ZDHHC13: variants seen among roughly 807,000 people sequenced by gnomAD.
ZDHHC13 encodes palmitoyltransferase ZDHHC13.
A neutral mutation model predicts 86.0 loss-of-function variants in ZDHHC13; 85 were observed. The ratio of observed to expected loss-of-function variants is 0.99; its 90% CI spans 0.83 to 1.18. ZDHHC13 has a LOEUF of 1.18. Ranked by LOEUF, ZDHHC13 falls within the 50% of genes most tolerant of loss-of-function variation. The probability of loss-of-function intolerance (pLI) is 0.00; values close to 1 mark genes in which losing one functional copy is unlikely to be tolerated. For synonymous variants in ZDHHC13, 263 were observed against 246.4 expected, an observed-to-expected ratio of 1.07 and a Z score of -0.63; for missense variants, 711 against 730.2, an observed-to-expected ratio of 0.97 and a Z score of 0.30.
chr11:19,134,365 C>G, intron 1 of ZDHHC13, among the ~76,000 whole-genome samples: 1 of 151,964 alleles, frequency 6.6e-6, no homozygotes, highest in East Asian at 1.9e-4. Flanking sequence ...GCTGGGTATA[C>G]CAAAGGATTA....
rs1725327748 is a variant in ZDHHC13, at chr11:19,176,271, A to G, written c.*311A>G. The G allele has an allele frequency of 5.2e-6, 1 of 193,108 alleles. No homozygotes were observed. The highest frequency in any genetic ancestry group is 1.0e-5 in the Non-Finnish European group (1 of 96,060). The allele number at this position is 193,108 out of a possible 1,614,324, so 12.0% of individuals were successfully genotyped here. On this transcript the variant is annotated 3_prime_UTR_variant, in exon 17 of 17. Transcript: ENST00000446113. ...AAAATGGAATATTTTCAGATACTAT[A>G]TTGGCTGTTTCAAAATAGTACTATT...
At chr11:19,153,203 T>A (rs1469604471) in intron 8 of ZDHHC13, among the ~76,000 whole-genome samples, 1 of 152,206 alleles carries the variant, frequency 6.6e-6, no homozygotes, top group Non-Finnish European at 1.5e-5. Flanking sequence ...AATCCAAATT[T>A]TATTCATTTT....
At chr11:19,162,110 T>C (rs569544333) in intron 10 of ZDHHC13, among the ~76,000 whole-genome samples, 38 of 152,320 alleles carry the variant, frequency 2.5e-4, no homozygotes, top group African/African-American at 8.9e-4. Context: ...TTCAAGTGTT[T>C]GGAAGTCTAT....
chr11:19,147,559 T>G, intron 3 of ZDHHC13, 37 bp from the exon 4 acceptor site: 1 of 1,534,198 alleles, frequency 6.5e-7, no homozygotes, highest in African/African-American at 1.4e-5. Context: ...AAGCTTAAGT[T>G]TCAAATCTTA....
intron 14 of ZDHHC13, chr11:19,168,759 C>G: frequency 2.1e-6 from 2 of 974,602 alleles, no homozygotes; most frequent in Non-Finnish European, 2.4e-6. Context: ...GCTCTATACT[C>G]TCCTTCTCAT....
At chr11:19,164,415 C>A in intron 12 of ZDHHC13, 52 bp downstream of exon 12, 2 of 1,541,976 alleles carry the variant, frequency 1.3e-6, no homozygotes, top group Non-Finnish European at 8.9e-7. Flanking sequence ...GTCTTGGTAA[C>A]GTTGCTGATG....
chr11:19,152,105 C>T (rs1849623523), intron 6 of ZDHHC13, 53 bp from the exon 7 acceptor site: 1 of 1,572,692 alleles, frequency 6.4e-7, no homozygotes, highest in Non-Finnish European at 8.6e-7. Context: ...GCATTTACTC[C>T]TTAAGTCATC....
chr11:19,157,860 AGG>A, intron 9 of ZDHHC13, among the ~76,000 whole-genome samples: 1 of 152,354 alleles, frequency 6.6e-6, no homozygotes, highest in Non-Finnish European at 1.5e-5. Context: ...ATTCCTCTAT[AGG>A]GTCCCAATTT....
Position 19,152,569 on chromosome 11 carries a change from C to T in ZDHHC13, c.758C>T (p.Pro253Leu). 6.2e-7 allele frequency: 1 copy of T among 1,610,364 alleles called. No homozygotes were observed. The highest frequency in any genetic ancestry group is 8.5e-7 in the Non-Finnish European group (1 of 1,178,380). The change falls in exon 8 of 17, where the codon CCT (proline) becomes CTT (leucine). Residue 253 changes from proline to leucine, a missense_variant. Transcript: ENST00000446113. ...CTACTCTTTTTTAAGGGAGAAACAC[C>T]TCTTGATATGGCTCTACAAAACAAA... ...LDIQNVKGET[P>L]LDMALQNKNQ...
At chr11:19,169,025 A>G (rs913879780) in intron 14 of ZDHHC13, 3 of 985,368 alleles carry the variant, frequency 3.0e-6, no homozygotes, top group African/African-American at 3.5e-5. Flanking sequence ...AGCACAAATT[A>G]AAGTGTTACA....
chr11:19,137,988 C>A (rs1193320560), intron 1 of ZDHHC13, among the ~76,000 whole-genome samples: 1 of 150,122 alleles, frequency 6.7e-6, no homozygotes, highest in African/African-American at 2.4e-5. Context: ...ACCCTAACAT[C>A]ACAATTAAAA....
intron 6 of ZDHHC13, 49 bp downstream of exon 6, chr11:19,150,840 C>A (rs1849589275): frequency 6.5e-7 from 1 of 1,534,116 alleles, no homozygotes; most frequent in African/African-American, 1.4e-5. Context: ...CCAACTATTT[C>A]TTTTCTGTGT....
At position 19,143,122 on chromosome 11, in the gene ZDHHC13, C is replaced by T. The variant is rs1565028204; in HGVS notation, c.172C>T (p.Gln58Ter). 1 of 1,610,384 alleles carries T rather than the reference C, an allele frequency of 6.2e-7. No homozygotes were observed. Among genetic ancestry groups the T allele is most frequent in the South Asian group, 1.1e-5 (1 of 90,770 alleles). ...TAACTGTGACATTGTCAAAGCTACTCAGTAAGTCTTCCAAATGCTTTGGTT... is the reference window on the plus strand; with the variant it reads ...TAACTGTGACATTGTCAAAGCTACTTAGTAAGTCTTCCAAATGCTTTGGTT... ...SSNCDIVKAT[Q>*]YGIFERCKEL... The change falls in exon 2 of 17, where the codon CAA (glutamine) becomes TAA (stop). Residue 58 changes from glutamine to a stop codon, truncating the protein, a stop_gained and splice_region_variant. Transcript: ENST00000446113. LOFTEE classifies it high-confidence loss of function.
intron 1 of ZDHHC13, among the ~76,000 whole-genome samples, chr11:19,124,732 T>G (rs1017527616): frequency 2.0e-5 from 3 of 151,826 alleles, no homozygotes; most frequent in Non-Finnish European, 4.4e-5. Context: ...TACATGTTTA[T>G]TTTTAGCTGT....
At chr11:19,128,988 A>G (rs537903435) in intron 1 of ZDHHC13, among the ~76,000 whole-genome samples, 1 of 152,364 alleles carries the variant, frequency 6.6e-6, no homozygotes, top group African/African-American at 2.4e-5. Context: ...TGTTTGCACA[A>G]GAATGAAATA....
chr11:19,155,888 T>C lies in ZDHHC13; in HGVS notation c.966T>C (p.Cys322=), dbSNP rs752893347. The C allele has an allele frequency of 6.2e-7, 1 of 1,612,210 alleles. No homozygotes were observed. Among genetic ancestry groups the C allele is most frequent in the Non-Finnish European group, 8.5e-7 (1 of 1,179,606 alleles). Residue 322 remains cysteine (C), a synonymous_variant, in exon 9 of 17, where the codon TGT becomes TGC. Transcript: ENST00000446113. The part of the protein sequence containing the change: ...FNSDSWLLKG[C]LLVTLFFLTS... ...CAGATTCTTGGCTTTTAAAAGGATGTCTTCTAGTAACACTGTTTTTTCTGA... is the reference window on the plus strand; with the variant it reads ...CAGATTCTTGGCTTTTAAAAGGATGCCTTCTAGTAACACTGTTTTTTCTGA...
In ZDHHC13 at chr11:19,152,548, T is replaced by G. The variant is rs753353932; in HGVS notation, c.748-11T>G. 6.3e-7 allele frequency: 1 copy of G among 1,590,620 alleles called. No homozygotes were observed. Among genetic ancestry groups the G allele is most frequent in the Admixed American group, 1.8e-5 (1 of 54,204 alleles). The stretch of plus-strand genomic sequence containing the variant: ...AATACTTTTAAACTTTTTACCCTAC[T>G]CTTTTTTAAGGGAGAAACACCTCTT... On this transcript the variant is annotated splice_polypyrimidine_tract_variant and intron_variant, in intron 7 of 16. Coordinates refer to ENST00000446113, the MANE Select transcript of ZDHHC13 (RefSeq NM_019028.3).
intron 8 of ZDHHC13, among the ~76,000 whole-genome samples, chr11:19,155,093 G>C (rs1849719830): frequency 6.6e-6 from 1 of 152,144 alleles, no homozygotes; most frequent in Admixed American, 6.5e-5. Context: ...ATGGTGCAGT[G>C]CCCAGGTTGG....
At chr11:19,149,475 AT>A (rs1309322388) in intron 5 of ZDHHC13, 144 bp downstream of exon 5, 1 of 774,980 alleles carries the variant, frequency 1.3e-6, no homozygotes, top group East Asian at 3.1e-5. Flanking sequence ...ACGTTTAGCC[AT>A]TGAATACTGC....
Sources: allele counts gnomAD v4.1 joint callset (sites outside exome capture counted in the v4.1 genomes callset), GRCh38; gene constraint gnomAD v4.1.1; transcripts MANE v1.5; gene names NCBI Gene and HGNC (gene_info 2026-07-23, HGNC 2026-07-21).